The following ERG variants were observed in gnomAD, a reference collection of about 807,000 sequenced individuals.
ERG encodes ETS transcription factor ERG.
ERG carries 9 observed loss-of-function variants against 55.3 expected under a neutral mutation model. The ratio of observed to expected loss-of-function variants is 0.16; its 90% CI spans 0.10 to 0.28. The LOEUF is 0.28. Ranked by LOEUF, ERG falls within the 10% of genes least tolerant of loss-of-function variation. The pLI, the probability that ERG is intolerant of heterozygous loss-of-function variation, is 1.00. For missense variants in ERG, 434 were observed against 631.6 expected (o/e 0.69, Z 3.35); for synonymous variants, 223 against 237.3 (o/e 0.94, Z 0.55).
chr21:38,482,973 G>A (rs891357106), intron 1 of ERG, among the ~76,000 whole-genome samples: 7 of 152,122 alleles, frequency 4.6e-5, no homozygotes, highest in African/African-American at 9.7e-5. Context: ...CACCATGCCC[G>A]GCCCATTTAG....
chr21:38,618,191 T>G (rs781175261), intron 1 of ERG, among the ~76,000 whole-genome samples: 2 of 152,166 alleles, frequency 1.3e-5, no homozygotes, highest in Admixed American at 6.5e-5. Context: ...CAGTGAGAAG[T>G]TGACAGCCAA....
At position 38,631,783 on chromosome 21, in the gene ERG, T is replaced by C. The variant is rs112020209; in HGVS notation, c.-150+29875A>G. On this transcript the variant is annotated intron_variant, in intron 1 of 10. Coordinates refer to the ERG transcript ENST00000398910. ...GACCCTCATCCCAGCTCAACCCTCCTGGCATCTCCTCTCTCCTGCCAGGTT... is the reference window on the plus strand; with the variant it reads ...GACCCTCATCCCAGCTCAACCCTCCCGGCATCTCCTCTCTCCTGCCAGGTT... 3.4e-4 allele frequency among the ~76,000 whole-genome samples: 52 copies of C among 152,088 alleles called. 1 individual carries two copies. Among genetic ancestry groups the C allele is most frequent in the African/African-American group, 1.2e-3 (50 of 41,508 alleles).
intron 1 of ERG, among the ~76,000 whole-genome samples, chr21:38,604,147 G>A (rs1312987265): frequency 1.2e-4 from 18 of 151,648 alleles, no homozygotes; most frequent in South Asian, 1.0e-3. Context: ...CCAGCTATTC[G>A]GGAGGCTGAG....
chr21:38,495,415 G>A (rs2059371630), intron 1 of ERG, among the ~76,000 whole-genome samples: 1 of 152,234 alleles, frequency 6.6e-6, no homozygotes, highest in Admixed American at 6.5e-5. Context: ...TCTCCACCAA[G>A]CCTTGTTAGT....
chr21:38,430,739 T>A (rs1157607852), intron 2 of ERG, among the ~76,000 whole-genome samples: 3 of 152,176 alleles, frequency 2.0e-5, no homozygotes, highest in African/African-American at 7.2e-5. Flanking sequence ...ACCTCACAAC[T>A]CCCTAGCAAC....
chr21:38,496,984 A>G (rs2059385205), intron 1 of ERG, among the ~76,000 whole-genome samples: 1 of 152,212 alleles, frequency 6.6e-6, no homozygotes, highest in Non-Finnish European at 1.5e-5. Flanking sequence ...AAATCAAGTA[A>G]TTTCTATTCA....
At chr21:38,489,077 T>C (rs890846308) in intron 1 of ERG, among the ~76,000 whole-genome samples, 3 of 152,202 alleles carry the variant, frequency 2.0e-5, no homozygotes, top group African/African-American at 7.2e-5. Context: ...AGTGCGTCTC[T>C]GGTTGGGCTG....
chr21:38,376,159 T>C (rs760412204), downstream of ERG, among the ~76,000 whole-genome samples: 4 of 152,158 alleles, frequency 2.6e-5, no homozygotes, highest in Non-Finnish European at 5.9e-5. Context: ...CCAGTGACCA[T>C]TGCATAGTTC....
chr21:38,505,811 A>G (rs931395534), intron 2 of ERG, among the ~76,000 whole-genome samples: 3 of 152,178 alleles, frequency 2.0e-5, no homozygotes, highest in Non-Finnish European at 4.4e-5. Flanking sequence ...CCAGCTAGAA[A>G]CCAGACATGA....
At chr21:38,432,050 T>C (rs982084063) in intron 2 of ERG, among the ~76,000 whole-genome samples, 4 of 152,238 alleles carry the variant, frequency 2.6e-5, no homozygotes, top group Non-Finnish European at 4.4e-5. Flanking sequence ...TGCAGTGTTA[T>C]ACATGCCTCT....
At chr21:38,433,429 A>AT (rs1398727951) in intron 2 of ERG, among the ~76,000 whole-genome samples, 19 of 152,212 alleles carry the variant, frequency 1.2e-4, no homozygotes, top group Non-Finnish European at 2.6e-4. Context: ...CTTAAACAAA[A>AT]AAAAAGCGGG....
chr21:38,582,283 T>G (rs190199709), intron 1 of ERG, among the ~76,000 whole-genome samples: 7 of 152,260 alleles, frequency 4.6e-5, no homozygotes, highest in Non-Finnish European at 1.0e-4. Flanking sequence ...ACCCAATACT[T>G]GTAACTGGCA....
At chr21:38,587,272 C>T (rs1311615007), upstream of ERG, among the ~76,000 whole-genome samples, 6 of 152,154 alleles carry the variant, frequency 3.9e-5, no homozygotes, top group African/African-American at 1.4e-4. Context: ...GCCCAAGGAG[C>T]TGGCCTTCCC....
intron 7 of ERG, 39 bp downstream of exon 7, chr21:38,392,337 G>A (rs1356590546): frequency 6.6e-7 from 1 of 1,508,130 alleles, no homozygotes; most frequent in African/African-American, 1.4e-5. Flanking sequence ...TCCACTGCCT[G>A]TGACATGAAA....
chr21:38,448,653 C>A (rs2058914006), intron 1 of ERG, among the ~76,000 whole-genome samples: 1 of 152,198 alleles, frequency 6.6e-6, no homozygotes, highest in African/African-American at 2.4e-5. Flanking sequence ...CCCACAACAG[C>A]GGTCACTAAA....
At chr21:38,660,321 G>A (rs574728935) in intron 1 of ERG, among the ~76,000 whole-genome samples, 200 of 152,292 alleles carry the variant, frequency 1.3e-3, no homozygotes, top group Non-Finnish European at 2.5e-3. Flanking sequence ...CTCTCCATCC[G>A]CACCCGACTG....
chr21:38,455,020 C>G (rs76002302), intron 1 of ERG, among the ~76,000 whole-genome samples: 2 of 151,998 alleles, frequency 1.3e-5, no homozygotes, highest in East Asian at 1.9e-4. Context: ...CACTCCCCAG[C>G]GTGCTGTTGG....
At chr21:38,374,824 T>C in the ERG span, among the ~76,000 whole-genome samples, 1 of 152,202 alleles carries the variant, frequency 6.6e-6, no homozygotes, top group Non-Finnish European at 1.5e-5. Flanking sequence ...TGGCCTTATA[T>C]TGTTTTTTAA....
chr21:38,587,445 G>A (rs993981184), upstream of ERG, among the ~76,000 whole-genome samples: 3 of 150,374 alleles, frequency 2.0e-5, no homozygotes, highest in Admixed American at 6.7e-5. Context: ...TGCAACCTCC[G>A]CCTCCCAGGT....
Sources: allele counts gnomAD v4.1 joint callset (sites outside exome capture counted in the v4.1 genomes callset), GRCh38; gene constraint gnomAD v4.1.1; transcripts MANE v1.5; gene names NCBI Gene and HGNC (gene_info 2026-07-23, HGNC 2026-07-21).